LRRFIP1: variants seen among roughly 807,000 people sequenced by gnomAD.
LRRFIP1 encodes LRR binding FLII interacting protein 1.
In LRRFIP1, 62 loss-of-function variants were observed where a neutral mutation model predicts 104.4. The ratio of observed to expected loss-of-function variants is 0.59; its 90% CI spans 0.48 to 0.73. LRRFIP1 has a LOEUF of 0.73. Among genes scored for constraint, LRRFIP1 ranks in the 30% least tolerant of loss-of-function variants. The pLI, the probability that LRRFIP1 is intolerant of heterozygous loss-of-function variation, is 0.00. For missense variants in LRRFIP1, 796 were observed against 824.5 expected, an observed-to-expected ratio of 0.97 and a Z score of 0.42; for synonymous variants, 300 against 299.0, an observed-to-expected ratio of 1.00 and a Z score of -0.03.
chr2:237,743,231 G>T (rs1465236467), intron 11 of LRRFIP1, among the ~76,000 whole-genome samples: 6 of 151,204 alleles, frequency 4.0e-5, no homozygotes, highest in Non-Finnish European at 7.4e-5. Context: ...GCTCTGTAGG[G>T]AGTCCCGCCC....
At chr2:237,725,785 A>G (rs1388484582) in intron 7 of LRRFIP1, among the ~76,000 whole-genome samples, 1 of 152,220 alleles carries the variant, frequency 6.6e-6, no homozygotes, top group East Asian at 1.9e-4. Context: ...GGATACTGTC[A>G]TGCTTCCAGC....
chr2:237,763,186 T>A (rs1429168100), intron 19 of LRRFIP1: 9 of 1,613,980 alleles, frequency 5.6e-6, no homozygotes, highest in Non-Finnish European at 7.6e-6. Context: ...CAGCGCACAG[T>A]ACAGAAGTAG....
In LRRFIP1 at chr2:237,717,437, G is replaced by T. The variant is rs2094380579; in HGVS notation, c.202-325G>T. Among the ~76,000 whole-genome samples, 1 of 152,212 alleles carries T rather than the reference G, an allele frequency of 6.6e-6. No individual in the cohort carries two copies. Among genetic ancestry groups the T allele is most frequent in the Non-Finnish European group, 1.5e-5 (1 of 68,040 alleles). On this transcript the variant is annotated intron_variant, in intron 3 of 23. Transcript: ENST00000308482. The surrounding 1 kb of genome is among the most constrained non-coding windows in gnomAD (Gnocchi z 4.2). The stretch of plus-strand genomic sequence containing the variant: ...AAGGCATGAGCAGCCTGTTGGAGGG[G>T]GCGTGAAGGCTGCTGGGCCGGCTTT...
At chr2:237,776,830 T>A (rs953482519) in intron 23 of LRRFIP1, among the ~76,000 whole-genome samples, 2 of 152,198 alleles carry the variant, frequency 1.3e-5, no homozygotes, top group African/African-American at 4.8e-5. Context: ...TAGGTGGCGG[T>A]GGCTCTTAGT....
rs535307584 is a variant in LRRFIP1, at chr2:237,735,245, C to T, written c.490-23C>T. On this transcript the variant is annotated intron_variant, in intron 9 of 23. Transcript: ENST00000308482. The surrounding 1 kb of genome is among the most constrained non-coding windows in gnomAD (Gnocchi z 4.6). ...CTTGGAGAAAGGAAGAGCGCCCATC[C>T]TGACAGTCTCTTTTGGTCGCAGGCG... The T allele has an allele frequency of 1.8e-4, 284 of 1,608,726 alleles. 1 individual carries two copies. The South Asian group carries it at 2.0e-3, about 11-fold the overall frequency.
chr2:237,652,028 CA>C (rs1288056488), intron 1 of LRRFIP1, among the ~76,000 whole-genome samples: 7 of 152,190 alleles, frequency 4.6e-5, no homozygotes, highest in African/African-American at 1.7e-4. Flanking sequence ...TGTTGTGTGG[CA>C]CTGGGAGGCC....
At chr2:237,702,887 C>T (rs137970545) in intron 1 of LRRFIP1, among the ~76,000 whole-genome samples, 5 of 152,272 alleles carry the variant, frequency 3.3e-5, no homozygotes, top group African/African-American at 1.2e-4. Flanking sequence ...TAGCTTATAG[C>T]CGTTTACACC....
At chr2:237,749,098 C>G in intron 12 of LRRFIP1, 101 bp from the exon 13 acceptor site, 1 of 1,281,168 alleles carries the variant, frequency 7.8e-7, no homozygotes. Context: ...CCAGGGCCGT[C>G]CCTCATCTTG....
intron 1 of LRRFIP1, among the ~76,000 whole-genome samples, chr2:237,648,066 A>G (rs751369022): frequency 1.3e-5 from 2 of 152,034 alleles, no homozygotes; most frequent in Non-Finnish European, 2.9e-5. Flanking sequence ...GAGGCAGTGT[A>G]TGAGTCCACG....
In LRRFIP1 at chr2:237,627,678, C is replaced by A. The variant is rs1297566453; in HGVS notation, c.34C>A (p.Arg12=). 2 of 1,367,756 alleles carry A rather than the reference C, an allele frequency of 1.5e-6. No individual in the cohort carries two copies. Among genetic ancestry groups the A allele is most frequent in the African/African-American group, 3.0e-5 (2 of 66,054 alleles). The allele number at this position is 1,367,756 out of a possible 1,614,324, so 84.7% of individuals were successfully genotyped here. ...DMGTQGSGRK[R]LPNRERLTAE... ...GGGCACCCAGGGATCGGGGCGCAAG[C>A]GGCTCCCCAACCGGGAGCGGCTCAC... Residue 12 remains arginine (R), a synonymous_variant, in exon 1 of 24, where the codon CGG becomes AGG. Transcript: ENST00000308482.
At chr2:237,696,553 T>C (rs2093197403) in intron 1 of LRRFIP1, among the ~76,000 whole-genome samples, 1 of 152,254 alleles carries the variant, frequency 6.6e-6, no homozygotes. Flanking sequence ...TGTGAAGGTC[T>C]TCTCTAACCC....
intron 1 of LRRFIP1, among the ~76,000 whole-genome samples, chr2:237,677,690 T>G: frequency 6.6e-6 from 1 of 152,126 alleles, no homozygotes; most frequent in Non-Finnish European, 1.5e-5. Flanking sequence ...TCAGTGCAGA[T>G]CCCTTCTTAT....
In LRRFIP1 at chr2:237,766,303, T is replaced by C. The variant is rs1170188208; in HGVS notation, c.1460-3640T>C. 6.6e-6 allele frequency among the ~76,000 whole-genome samples: 1 copy of C among 151,872 alleles called. No homozygotes were observed. Among genetic ancestry groups the C allele is most frequent in the Non-Finnish European group, 1.5e-5 (1 of 67,882 alleles). Reference sequence around the variant, plus strand: ...TCAAGTGTCCTGAAGTAGAGGATGGTGGGGATGATAAATGCTTGCTAGGAA... The same window carrying C: ...TCAAGTGTCCTGAAGTAGAGGATGGCGGGGATGATAAATGCTTGCTAGGAA... On this transcript the variant is annotated intron_variant, in intron 19 of 23. Transcript: ENST00000308482. This position sits in a 1 kb window ranked among gnomAD's most constrained non-coding sequence, Gnocchi z 4.8.
chr2:237,708,924 T>C (rs1292293573), intron 2 of LRRFIP1: 2 of 537,240 alleles, frequency 3.7e-6, no homozygotes, highest in African/African-American at 3.8e-5. Context: ...GTCTGAGCTT[T>C]AAGGTCTAAC....
chr2:237,751,125 CCCTGAAGTAT>C (rs2058575248), intron 13 of LRRFIP1, 65 bp from the exon 14 acceptor site: 23 of 1,034,734 alleles, frequency 2.2e-5, no homozygotes, highest in Non-Finnish European at 3.0e-5. Context: ...ATAGAAACTA[CCCTGAAGTAT>C]AAAAGATTTA....
Position 237,772,135 on chromosome 2 carries a change from A to G in LRRFIP1, c.1564A>G (p.Asn522Asp), listed in dbSNP as rs1447258078. Residue 522 changes from asparagine to aspartate, a missense_variant, in exon 21 of 24, where the codon AAT (asparagine) becomes GAT (aspartate). Coordinates refer to ENST00000308482, the MANE Select transcript of LRRFIP1 (RefSeq NM_001137550.2). ...GAGACAGAAGATTGGCAAACTAGAC[A>G]ATCTTCGATCTGAAGATGATGTCTT... ...EERQKIGKLDNLRSEDDVLEN... is the reference protein window; with the variant it reads ...EERQKIGKLDDLRSEDDVLEN... 1 of 1,613,916 alleles carries G rather than the reference A, an allele frequency of 6.2e-7. No homozygotes were observed. The highest frequency in any genetic ancestry group is 8.5e-7 in the Non-Finnish European group (1 of 1,179,900).
intron 1 of LRRFIP1, among the ~76,000 whole-genome samples, chr2:237,701,196 G>T (rs1450834392): frequency 1.3e-5 from 2 of 152,212 alleles, no homozygotes; most frequent in East Asian, 1.9e-4. Flanking sequence ...CCAGCAGTCA[G>T]GGCCCCTGCC....
At chr2:237,657,183 C>T (rs1380980251) in intron 1 of LRRFIP1, among the ~76,000 whole-genome samples, 1 of 152,010 alleles carries the variant, frequency 6.6e-6, no homozygotes, top group Non-Finnish European at 1.5e-5. Flanking sequence ...ACGTACCAGC[C>T]AGGCAGGGGA....
rs561251529 is a variant in LRRFIP1, at chr2:237,653,885, T to C, written c.96+26145T>C. On this transcript the variant is annotated intron_variant, in intron 1 of 23. Transcript: ENST00000308482. Reference sequence around the variant, plus strand: ...GTATTAAAGACTTAAATGTAAGACCTGAAACTATAAAACTAGTAGGAGAAA... The same window carrying C: ...GTATTAAAGACTTAAATGTAAGACCCGAAACTATAAAACTAGTAGGAGAAA... Among the ~76,000 whole-genome samples, 13 of 152,274 alleles carry C rather than the reference T, an allele frequency of 8.5e-5. No homozygotes were observed. The East Asian group carries it at 2.5e-3, about 29-fold the overall frequency.
Sources: gnomAD v4.1 joint callset for allele counts (sites outside exome capture counted in the v4.1 genomes callset) on GRCh38, gnomAD v4.1.1 for gene constraint, Gnocchi (gnomAD v3.1) non-coding constraint, MANE v1.5 for transcripts, NCBI Gene and HGNC (gene_info 2026-07-23, HGNC 2026-07-21) for gene names.